The following RNF145 variants were observed in gnomAD, a reference collection of about 807,000 sequenced individuals.
The protein encoded by RNF145 is ring finger protein 145.
A neutral mutation model predicts 57.3 loss-of-function variants in RNF145; 12 were observed. The ratio of observed to expected loss-of-function variants is 0.21; its 90% confidence interval spans 0.13 to 0.34. RNF145 has a LOEUF of 0.34. Among genes scored for constraint, RNF145 ranks in the 10% least tolerant of loss-of-function variants. RNF145 has a pLI of 1.00. For synonymous variants in RNF145, 262 were observed against 288.3 expected, an observed-to-expected ratio of 0.91 and a Z score of 0.92; for missense variants, 429 against 799.0, an observed-to-expected ratio of 0.54 and a Z score of 5.58.
At chr5:159,206,131 C>A (rs962679136) in intron 1 of RNF145, among the ~76,000 whole-genome samples, 1 of 152,100 alleles carries the variant, frequency 6.6e-6, no homozygotes, top group African/African-American at 2.4e-5. Flanking sequence ...AGAGAAAATA[C>A]CGGGTCCCGA....
chr5:159,161,357 C>T lies in RNF145; in HGVS notation c.1535G>A (p.Arg512His), dbSNP rs1032640038. ...TTTAATCTTATTCACAGCATCCCTG[C>T]GGAGAAGAAAGCTCTTCCACCCCAG... ...AQLGWKSFLL[R>H]RDAVNKIKSL... The change falls in exon 10 of 11, where the codon CGC becomes CAC. Residue 512 changes from arginine (R) to histidine (H), a missense_variant. Transcript: ENST00000424310. 6 of 1,613,974 alleles carry T rather than the reference C, an allele frequency of 3.7e-6. No individual in the cohort carries two copies. Among genetic ancestry groups the T allele is most frequent in the African/African-American group, 1.3e-5 (1 of 74,912 alleles).
intron 10 of RNF145, among the ~76,000 whole-genome samples, chr5:159,160,043 G>A (rs1176658620): frequency 6.6e-6 from 1 of 152,142 alleles, no homozygotes. Context: ...CTCAAAAAAA[G>A]TGATGTGACA....
chr5:159,189,395 C>A (rs72813994), intron 3 of RNF145, among the ~76,000 whole-genome samples: 18,359 of 152,142 alleles, frequency 0.12, 1,449 homozygotes, highest in South Asian at 0.2. Flanking sequence ...AAATCTAAAG[C>A]ACAATGAAAT....
chr5:159,200,310 G>T (rs1785618743), intron 2 of RNF145, among the ~76,000 whole-genome samples: 1 of 152,072 alleles, frequency 6.6e-6, no homozygotes, highest in African/African-American at 2.4e-5. Flanking sequence ...AACCCTGTTA[G>T]ACAGTAAAAT....
At chr5:159,182,732 A>G (rs1784933046) in intron 3 of RNF145, among the ~76,000 whole-genome samples, 1 of 152,178 alleles carries the variant, frequency 6.6e-6, no homozygotes, top group South Asian at 2.1e-4. Flanking sequence ...TTACACACTC[A>G]GAAAACAGGC....
intron 3 of RNF145, among the ~76,000 whole-genome samples, chr5:159,190,858 AGCC>A (rs759993876): frequency 4.6e-4 from 70 of 152,180 alleles, no homozygotes; most frequent in Admixed American, 9.2e-4. Context: ...CATCTTTACT[AGCC>A]TTTTGTGAGA....
intron 3 of RNF145, among the ~76,000 whole-genome samples, chr5:159,186,295 G>T (rs1163231573): frequency 6.6e-6 from 1 of 152,128 alleles, no homozygotes; most frequent in East Asian, 1.9e-4. Context: ...TGCTTATAAA[G>T]AGAAGTATAC....
In RNF145 at chr5:159,207,362, T is replaced by C. The variant is rs12657093; in HGVS notation, c.-40+1869A>G. 6.6e-3 allele frequency: 4,590 copies of C among 698,572 alleles called. 74 individuals are homozygous for C. The highest frequency in any genetic ancestry group is 0.044 in the African/African-American group (2,425 of 54,784). The allele number at this position is 698,572 out of a possible 1,614,324, so 43.3% of individuals were successfully genotyped here. A position where few individuals can be genotyped will look rare whatever the true frequency, so the allele number is the denominator to read the frequency against. ...TTCAAAAATACACCTCCTAAACTTT[T>C]TTTTAAAAAGACAAAGAAAAAACAA... On this transcript the variant is annotated intron_variant, in intron 1 of 10. Transcript: ENST00000424310.
intron 3 of RNF145, among the ~76,000 whole-genome samples, chr5:159,187,499 T>C (rs183800701): frequency 5.9e-5 from 9 of 151,950 alleles, no homozygotes; most frequent in Non-Finnish European, 1.0e-4. Flanking sequence ...GGCTAATTTT[T>C]TGTATTTTTA....
intron 1 of RNF145, among the ~76,000 whole-genome samples, chr5:159,206,177 T>A (rs751459107): frequency 1.6e-4 from 25 of 152,158 alleles, no homozygotes; most frequent in Non-Finnish European, 3.7e-4. Flanking sequence ...AAGATCCCCC[T>A]CTACTACATA....
intron 3 of RNF145, among the ~76,000 whole-genome samples, chr5:159,190,569 T>C (rs1785253893): frequency 1.3e-5 from 2 of 151,176 alleles, no homozygotes; most frequent in Non-Finnish European, 2.9e-5. Flanking sequence ...CGTACACCTG[T>C]AGTCCCAGCT....
At chr5:159,209,163 G>T in intron 1 of RNF145, 68 bp downstream of exon 1, 1 of 615,950 alleles carries the variant, frequency 1.6e-6, no homozygotes, top group Non-Finnish European at 2.0e-6. Flanking sequence ...TGGGGGAGGG[G>T]AGGGAGGCCG....
chr5:159,161,143 C>T (rs1341350886), intron 10 of RNF145, 123 bp downstream of exon 10: 1 of 608,870 alleles, frequency 1.6e-6, no homozygotes, highest in East Asian at 2.8e-5. Context: ...TTCTGAGGTC[C>T]ATTTTTTTTA....
At chr5:159,175,367 C>T (rs960208878) in intron 5 of RNF145, among the ~76,000 whole-genome samples, 1 of 152,044 alleles carries the variant, frequency 6.6e-6, no homozygotes, top group African/African-American at 2.4e-5. Flanking sequence ...CATTTTATAA[C>T]CTATATTTCC....
intron 1 of RNF145, among the ~76,000 whole-genome samples, chr5:159,204,615 C>A (rs1333269677): frequency 6.6e-6 from 1 of 151,924 alleles, no homozygotes; most frequent in African/African-American, 2.4e-5. Context: ...ACCAGCCTAG[C>A]CAATATGGTG....
chr5:159,190,768 C>T (rs1338052663), intron 3 of RNF145, among the ~76,000 whole-genome samples: 1 of 151,512 alleles, frequency 6.6e-6, no homozygotes, highest in Non-Finnish European at 1.5e-5. Context: ...AACCTTCAAC[C>T]TCAATGTCTT....
At chr5:159,188,504 G>A (rs1163449753) in intron 3 of RNF145, among the ~76,000 whole-genome samples, 2 of 151,998 alleles carry the variant, frequency 1.3e-5, no homozygotes, top group Non-Finnish European at 2.9e-5. Context: ...AGGAATAGTA[G>A]TATCAGTGTA....
At chr5:159,178,670 C>T (rs1303595696) in intron 4 of RNF145, among the ~76,000 whole-genome samples, 1 of 151,966 alleles carries the variant, frequency 6.6e-6, no homozygotes, top group East Asian at 1.9e-4. Flanking sequence ...TAACATTATG[C>T]TCCAAGAAAA....
At chr5:159,191,635 A>G (rs569231746) in intron 3 of RNF145, among the ~76,000 whole-genome samples, 58 of 152,272 alleles carry the variant, frequency 3.8e-4, no homozygotes, top group African/African-American at 1.4e-3. Flanking sequence ...TACTAAAAAT[A>G]CAAAAAATTA....
Sources: allele counts gnomAD v4.1 joint callset (sites outside exome capture counted in the v4.1 genomes callset), GRCh38; gene constraint gnomAD v4.1.1; transcripts MANE v1.5; gene names NCBI Gene and HGNC (gene_info 2026-07-23, HGNC 2026-07-21).